The following DNAJC10 variants were observed in gnomAD, a reference collection of about 807,000 sequenced individuals.
The protein encoded by DNAJC10 is DnaJ heat shock protein family (Hsp40) member C10, also known as endoplasmic reticulum disulfide reductase DNAJC10.
A neutral mutation model predicts 115.0 loss-of-function variants in DNAJC10; 101 were observed. The ratio of observed to expected loss-of-function variants is 0.88; its 90% confidence interval spans 0.75 to 1.04. The LOEUF is 1.04. Ranked by LOEUF, DNAJC10 falls within the 50% of genes least tolerant of loss-of-function variation. The probability of loss-of-function intolerance (pLI) is 0.00; values close to 1 mark genes in which losing one functional copy is unlikely to be tolerated. For synonymous variants in DNAJC10, 307 were observed against 301.5 expected, an observed-to-expected ratio of 1.02 and a Z score of -0.19; for missense variants, 981 against 928.8, an observed-to-expected ratio of 1.06 and a Z score of -0.73.
chr2:182,782,487 TTG>T lies in DNAJC10; in HGVS notation c.*5356_*5357del, dbSNP rs1407511922. ...CAATGGTAGCTTGATGGGAATAGCA[TTG>T]AATCTATAAATTACTTTGGGCAGTA... On this transcript the variant is annotated 3_prime_UTR_variant, in exon 24 of 24. Transcript: ENST00000264065. 6.6e-6 allele frequency: 1 copy of T among 152,072 alleles called. No homozygotes were observed. Among genetic ancestry groups the T allele is most frequent in the East Asian group, 1.9e-4 (1 of 5,190 alleles). 9.4% of individuals were successfully genotyped at this position (152,072 alleles called of 1,614,324 possible).
chr2:182,729,940 A>G lies in DNAJC10; in HGVS notation c.726A>G (p.Thr242=), dbSNP rs914786525. The change falls in exon 8 of 24, where the codon ACA becomes ACG. Residue 242 remains threonine, a splice_region_variant and synonymous_variant. Coordinates refer to ENST00000264065, the MANE Select transcript of DNAJC10 (RefSeq NM_018981.4). The stretch of plus-strand genomic sequence containing the variant: ...GAAGTACAGTGACAGAACTTTGGAC[A>G]GGTAATTTTATTTTCTTAATTTGCT... ...HVRSTVTELW[T]GNFVNSIQTA... 8 of 1,581,064 alleles carry G rather than the reference A, an allele frequency of 5.1e-6. No homozygotes were observed. The African/African-American group carries it at 9.5e-5, about 19-fold the overall frequency.
At chr2:182,771,999 C>G (rs906927569) in intron 22 of DNAJC10, among the ~76,000 whole-genome samples, 8 of 152,182 alleles carry the variant, frequency 5.3e-5, no homozygotes, top group African/African-American at 1.4e-4. Flanking sequence ...AGCTGTGTCC[C>G]AGAGATTCTG....
intron 10 of DNAJC10, among the ~76,000 whole-genome samples, chr2:182,735,493 A>G (rs1018102988): frequency 1.3e-5 from 2 of 151,970 alleles, no homozygotes; most frequent in African/African-American, 4.8e-5. Context: ...ATTATGATAT[A>G]CATAGGTCTT....
intron 9 of DNAJC10, 50 bp downstream of exon 9, chr2:182,731,157 T>G: frequency 7.0e-7 from 1 of 1,420,302 alleles, no homozygotes; most frequent in Non-Finnish European, 9.8e-7. Flanking sequence ...CATTTAAATT[T>G]TTGGTGACAG....
chr2:182,743,407 AT>A (rs894195163), intron 13 of DNAJC10, among the ~76,000 whole-genome samples, 190 bp from the exon 14 acceptor site: 3 of 152,102 alleles, frequency 2.0e-5, no homozygotes, highest in Admixed American at 6.5e-5. Context: ...TCTAGGAAGC[AT>A]TTTTTTAACT....
Position 182,740,329 on chromosome 2 carries a change from T to C in DNAJC10, c.1018T>C (p.Tyr340His), listed in dbSNP as rs777519152. The C allele has an allele frequency of 5.9e-6, 9 of 1,533,952 alleles. No individual in the cohort carries two copies. The highest frequency in any genetic ancestry group is 1.7e-4 in the Middle Eastern group (1 of 5,950). The change falls in exon 12 of 24, where the codon TAT (tyrosine) becomes CAT (histidine). Residue 340 changes from tyrosine to histidine, a missense_variant. By Grantham distance (83) the Tyr-to-His change is moderately conservative (BLOSUM62 2). Coordinates refer to ENST00000264065, the MANE Select transcript of DNAJC10 (RefSeq NM_018981.4). ...FLNSLDAKEI[Y>H]LEVIHNLPDF... The stretch of plus-strand genomic sequence containing the variant: ...CAACTCATTGGATGCTAAAGAAATA[T>C]ATTTGGAAGTAATACATAATCTTCC...
intron 20 of DNAJC10, 93 bp from the exon 21 acceptor site, chr2:182,759,067 A>AT: frequency 8.3e-7 from 1 of 1,209,144 alleles, no homozygotes; most frequent in African/African-American, 1.5e-5. Context: ...CCTTGACATC[A>AT]TTTTTAACTT....
At chr2:182,775,254 T>C in intron 22 of DNAJC10, 62 bp from the exon 23 acceptor site, 1 of 1,052,132 alleles carries the variant, frequency 9.5e-7, no homozygotes, top group South Asian at 1.5e-5. Flanking sequence ...ATCAAGTTTC[T>C]TAGGTGGAAA....
chr2:182,758,928 T>C lies in DNAJC10; in HGVS notation c.1997+38T>C, dbSNP rs760033361. 3.5e-6 allele frequency: 5 copies of C among 1,448,452 alleles called. No homozygotes were observed. In the East Asian group the frequency reaches 9.1e-5, roughly 26 times the overall value. 89.7% of individuals were successfully genotyped at this position (1,448,452 alleles called of 1,614,324 possible). On this transcript the variant is annotated intron_variant, in intron 20 of 23. Transcript: ENST00000264065. ...AATATATATCATTGTATAAAATAGA[T>C]TCAAAGCCATTTACCCCCCTTTTAT... is the stretch of plus-strand genomic sequence containing the variant.
At chr2:182,743,914 T>C (rs978234905) in intron 14 of DNAJC10, among the ~76,000 whole-genome samples, 1 of 152,224 alleles carries the variant, frequency 6.6e-6, no homozygotes, top group Non-Finnish European at 1.5e-5. Flanking sequence ...GCCTTTTCTC[T>C]ATTCAGTATT....
rs532005146 is a variant in DNAJC10 at position 182,783,437 on chromosome 2, C to A, written c.*6305C>A. On this transcript the variant is annotated 3_prime_UTR_variant, in exon 24 of 24. Transcript: ENST00000264065. ...AAGGCAAAAAATACATATACACACA[C>A]AAAAAAAATATTTCAGCAGCCACTG... 6.6e-6 allele frequency: 1 copy of A among 151,608 alleles called. No homozygotes were observed. Among genetic ancestry groups the A allele is most frequent in the Non-Finnish European group, 1.5e-5 (1 of 67,868 alleles). The allele number at this position is 151,608 out of a possible 1,614,324, so 9.4% of individuals were successfully genotyped here. A position where few individuals can be genotyped will look rare whatever the true frequency, so the allele number is the denominator to read the frequency against.
Position 182,791,083 on chromosome 2 carries a change from T to C in DNAJC10, c.*13951T>C, listed in dbSNP as rs1455718449. ...TAAAATATTCACTACATAAATTTAG[T>C]GGATAAATACCCCCACAGAGATCGA... On this transcript the variant is annotated 3_prime_UTR_variant, in exon 24 of 24. Transcript: ENST00000264065. 6.6e-6 allele frequency: 1 copy of C among 152,182 alleles called. No homozygotes were observed. Among genetic ancestry groups the C allele is most frequent in the East Asian group, 1.9e-4 (1 of 5,198 alleles). The allele number at this position is 152,182 out of a possible 1,614,324, so 9.4% of individuals were successfully genotyped here. A position where few individuals can be genotyped will look rare whatever the true frequency, so the allele number is the denominator to read the frequency against.
In DNAJC10 at chr2:182,758,572, C is replaced by T. The variant is rs187871474; in HGVS notation, c.1944-265C>T. The stretch of plus-strand genomic sequence containing the variant: ...TAAAACCCTTGGACATTCTGAGTTT[C>T]GCAATTCCCATAGGTCTACAGGAGA... On this transcript the variant is annotated intron_variant, in intron 19 of 23. Transcript: ENST00000264065. Among the ~76,000 whole-genome samples, 1,110 of 152,170 alleles carry T rather than the reference C, an allele frequency of 7.3e-3. 5 individuals carry two copies. The highest frequency in any genetic ancestry group is 0.031 in the South Asian group (150 of 4,808).
chr2:182,716,445 T>TG lies in DNAJC10; in HGVS notation c.-237dup, dbSNP rs1022586179. 1 of 152,410 alleles carries TG rather than the reference T, an allele frequency of 6.6e-6. No individual in the cohort carries two copies. The highest frequency in any genetic ancestry group is 1.5e-5 in the Non-Finnish European group (1 of 68,354). 9.4% of individuals were successfully genotyped at this position (152,410 alleles called of 1,614,324 possible). ...GGGGTCCGCCGCCAGGGTTTGAGGA[T>TG]GGGGGAGTAGCTACAGGAAGCGACC... On this transcript the variant is annotated 5_prime_UTR_variant, in exon 1 of 24. An upstream open reading frame in the 5' UTR loses its in-frame stop. Coordinates refer to ENST00000264065, the MANE Select transcript of DNAJC10 (RefSeq NM_018981.4).
intron 1 of DNAJC10, among the ~76,000 whole-genome samples, 199 bp from the exon 2 acceptor site, chr2:182,716,817 C>T (rs1418404731): frequency 6.6e-6 from 1 of 152,206 alleles, no homozygotes. Context: ...CGAAAGCTTG[C>T]GCCTTGCATT....
intron 15 of DNAJC10, 74 bp from the exon 16 acceptor site, chr2:182,751,998 A>G: frequency 7.8e-7 from 1 of 1,288,738 alleles, no homozygotes; most frequent in Non-Finnish European, 1.1e-6. Flanking sequence ...TTAGCATATT[A>G]CTTGTTGCAG....
intron 13 of DNAJC10, among the ~76,000 whole-genome samples, chr2:182,742,517 T>G (rs1693761517): frequency 6.6e-6 from 1 of 152,106 alleles, no homozygotes; most frequent in South Asian, 2.1e-4. Context: ...CTCAAGGTTA[T>G]GTTTTCTTAA....
intron 13 of DNAJC10, among the ~76,000 whole-genome samples, chr2:182,743,312 T>C (rs1693782787): frequency 6.6e-6 from 1 of 152,260 alleles, no homozygotes; most frequent in South Asian, 2.1e-4. Flanking sequence ...CTCAAGATTA[T>C]ATAAACATTC....
intron 22 of DNAJC10, among the ~76,000 whole-genome samples, chr2:182,774,160 CTGCAGAACAGCAAATAT>C (rs774262342): frequency 3.0e-4 from 45 of 152,344 alleles, no homozygotes; most frequent in Non-Finnish European, 4.6e-4. Context: ...CCAGCAGAGG[CTGCAGAACAGCAAATAT>C]TGCAGAACAG....
Sources: allele counts gnomAD v4.1 joint callset (sites outside exome capture counted in the v4.1 genomes callset), GRCh38; gene constraint gnomAD v4.1.1; transcripts MANE v1.5; gene names NCBI Gene and HGNC (gene_info 2026-07-23, HGNC 2026-07-21).